WDR7: variants seen among roughly 807,000 people sequenced by gnomAD.
The protein encoded by WDR7 is WD repeat domain 7, also known as WD repeat-containing protein 7.
Under a neutral mutation model 169.4 loss-of-function variants are expected in WDR7, and 46 were observed. The ratio of observed to expected loss-of-function variants is 0.27; its 90% CI spans 0.21 to 0.35. The LOEUF (loss-of-function observed/expected upper bound fraction) is 0.35. Ranked by LOEUF, WDR7 falls within the 10% of genes least tolerant of loss-of-function variation. The pLI, the probability that WDR7 is intolerant of heterozygous loss-of-function variation, is 1.00. For missense variants in WDR7, 1,534 were observed against 1,859.3 expected, an observed-to-expected ratio of 0.83 and a Z score of 3.22; for synonymous variants, 612 against 666.8, an observed-to-expected ratio of 0.92 and a Z score of 1.27.
intron 12 of WDR7, among the ~76,000 whole-genome samples, chr18:56,700,077 T>C (rs918251): frequency 0.92 from 139,388 of 152,068 alleles, 65,096 homozygotes; most frequent in East Asian, 1. Context: ...ATTTTTCTAT[T>C]CTTTTGTTAG....
At position 56,756,784 on chromosome 18, in the gene WDR7, G is replaced by T. The variant is rs772442074; in HGVS notation, c.2191G>T (p.Gly731Cys). The T allele has an allele frequency of 6.2e-7, 1 of 1,613,974 alleles. No individual in the cohort carries two copies. The highest frequency in any genetic ancestry group is 1.1e-5 in the South Asian group (1 of 91,068). ...AGCATCTGGCAGTTCAGACAAAGGG[G>T]GCTCTTTTTTAACTGGAAAACGAGC... ...QKASGSSDKG[G>C]SFLTGKRAAV... The change falls in exon 15 of 28, where the codon GGC (glycine) becomes TGC (cysteine). Residue 731 changes from glycine (G) to cysteine (C), a missense_variant. Physicochemically the swap from Gly to Cys is radical, Grantham distance 159. Transcript: ENST00000254442.
chr18:56,984,575 T>G (rs1378532801), intron 26 of WDR7, among the ~76,000 whole-genome samples: 1 of 152,156 alleles, frequency 6.6e-6, no homozygotes, highest in Non-Finnish European at 1.5e-5. Flanking sequence ...ACAAAAAAAC[T>G]TGGTTAAACT....
intron 17 of WDR7, among the ~76,000 whole-genome samples, chr18:56,777,819 G>A (rs112252363): frequency 0.026 from 4,015 of 152,234 alleles, 72 homozygotes; most frequent in African/African-American, 0.051. Context: ...ACTTAAAAGT[G>A]TAACTTCATT....
At chr18:56,821,867 T>A (rs144424505) in intron 20 of WDR7, among the ~76,000 whole-genome samples, 169 of 151,632 alleles carry the variant, frequency 1.1e-3, no homozygotes, top group African/African-American at 3.9e-3. Context: ...GGTGTGGTGG[T>A]GCGCACCTGT....
intron 13 of WDR7, among the ~76,000 whole-genome samples, chr18:56,727,655 G>A (rs567291865): frequency 1.3e-5 from 2 of 152,256 alleles, no homozygotes; most frequent in African/African-American, 2.4e-5. Flanking sequence ...CTCGTCCCAC[G>A]CTTGACACAT....
At chr18:57,032,801 T>TTATATATATATATATATA (rs56876611), downstream of WDR7, 35 of 106,180 alleles carry the variant, frequency 3.3e-4, 1 homozygote, top group Non-Finnish European at 5.3e-4. Flanking sequence ...TATAATTATT[T>TTATATATATATATATATA]TATATATATA....
intron 19 of WDR7, among the ~76,000 whole-genome samples, chr18:56,810,515 G>A (rs1256146269): frequency 6.6e-6 from 1 of 152,058 alleles, no homozygotes; most frequent in Non-Finnish European, 1.5e-5. Flanking sequence ...TTTGACTGAG[G>A]ATTAATATAG....
intron 25 of WDR7, among the ~76,000 whole-genome samples, chr18:56,947,185 T>G (rs114081305): frequency 9.8e-4 from 149 of 152,342 alleles, no homozygotes; most frequent in African/African-American, 3.5e-3. Context: ...CTGCATCCAT[T>G]TTAAATCACA....
intron 16 of WDR7, among the ~76,000 whole-genome samples, chr18:56,761,334 G>A (rs975478250): frequency 6.6e-6 from 1 of 152,148 alleles, no homozygotes; most frequent in Admixed American, 6.5e-5. Context: ...ATAGATGATA[G>A]TATGTTTCTG....
chr18:56,664,043 C>T (rs2024967411), intron 1 of WDR7, among the ~76,000 whole-genome samples: 1 of 152,064 alleles, frequency 6.6e-6, no homozygotes, highest in Non-Finnish European at 1.5e-5. Flanking sequence ...AGCAATGTCA[C>T]ACTAGCAGCT....
chr18:56,910,807 A>G (rs955527076), intron 21 of WDR7, among the ~76,000 whole-genome samples: 2 of 152,198 alleles, frequency 1.3e-5, no homozygotes, highest in Non-Finnish European at 2.9e-5. Flanking sequence ...TCGGGAATTC[A>G]TATTATAGTA....
At chr18:56,934,773 A>G (rs535695512) in intron 22 of WDR7, among the ~76,000 whole-genome samples, 16 of 152,346 alleles carry the variant, frequency 1.1e-4, no homozygotes, top group African/African-American at 3.6e-4. Flanking sequence ...AATCCAGTTT[A>G]CATATAAAGC....
intron 25 of WDR7, among the ~76,000 whole-genome samples, chr18:56,945,740 T>C (rs1005393124): frequency 6.6e-6 from 1 of 152,312 alleles, no homozygotes. Flanking sequence ...CAGCTGACTT[T>C]CCTGAAGCCT....
At chr18:57,008,222 C>T (rs538587132) in intron 26 of WDR7, among the ~76,000 whole-genome samples, 22 of 152,246 alleles carry the variant, frequency 1.4e-4, no homozygotes, top group African/African-American at 5.3e-4. Flanking sequence ...CCTGTCCATG[C>T]CCACTTCCTC....
At chr18:56,759,675 T>C (rs568290947) in intron 16 of WDR7, among the ~76,000 whole-genome samples, 5 of 152,298 alleles carry the variant, frequency 3.3e-5, no homozygotes, top group Admixed American at 6.5e-5. Flanking sequence ...CAGAATGTGA[T>C]AGAGAAAAGT....
chr18:56,975,831 A>G (rs1417192694), intron 26 of WDR7, among the ~76,000 whole-genome samples: 2 of 152,162 alleles, frequency 1.3e-5, no homozygotes, highest in Non-Finnish European at 2.9e-5. Context: ...TGCCAGGTGA[A>G]AGGGTGGACC....
intron 21 of WDR7, among the ~76,000 whole-genome samples, chr18:56,883,552 G>T (rs1284260102): frequency 2.0e-5 from 3 of 148,690 alleles, no homozygotes; most frequent in Non-Finnish European, 3.0e-5. Context: ...AGCAAGTGTT[G>T]TTTGGTTACA....
At chr18:56,869,548 A>G (rs2045926017) in intron 20 of WDR7, among the ~76,000 whole-genome samples, 1 of 152,178 alleles carries the variant, frequency 6.6e-6, no homozygotes, top group Admixed American at 6.5e-5. Flanking sequence ...AGTAACTCAA[A>G]TATGTGTTTA....
intron 26 of WDR7, among the ~76,000 whole-genome samples, chr18:57,009,532 AT>A (rs34565578): frequency 0.77 from 116,840 of 152,092 alleles, 46,680 homozygotes; most frequent in East Asian, 0.88. Flanking sequence ...GACTAATCTA[AT>A]TTTTCAGTTT....
Sources: gnomAD v4.1 joint callset for allele counts (sites outside exome capture counted in the v4.1 genomes callset) on GRCh38, gnomAD v4.1.1 for gene constraint, MANE v1.5 for transcripts, NCBI Gene and HGNC (gene_info 2026-07-23, HGNC 2026-07-21) for gene names.